Variants in ZNF704 observed in about 807,000 individuals in gnomAD.
ZNF704 encodes the protein glucocorticoid induced gene 1.
ZNF704 carries 10 observed loss-of-function variants against 44.7 expected under a neutral mutation model. The ratio of observed to expected loss-of-function variants is 0.22; its 90% CI spans 0.14 to 0.38. ZNF704 has a LOEUF of 0.38. ZNF704 is among the 10% of genes least tolerant of loss of function. The probability of loss-of-function intolerance (pLI) is 1.00; values close to 1 mark genes in which losing one functional copy is unlikely to be tolerated. For missense variants in ZNF704, 390 were observed against 545.5 expected, an observed-to-expected ratio of 0.71 and a Z score of 2.84; for synonymous variants, 211 against 207.6, an observed-to-expected ratio of 1.02 and a Z score of -0.14.
intron 2 of ZNF704, among the ~76,000 whole-genome samples, chr8:80,733,568 A>G (rs1806617787): frequency 6.6e-6 from 1 of 152,208 alleles, no homozygotes; most frequent in Non-Finnish European, 1.5e-5. Flanking sequence ...GTAGCCAGCC[A>G]TGTCTCAATC....
At chr8:80,720,667 G>C (rs145714778) in intron 2 of ZNF704, among the ~76,000 whole-genome samples, 1 of 152,206 alleles carries the variant, frequency 6.6e-6, no homozygotes, top group Non-Finnish European at 1.5e-5. Context: ...GAAACCAACA[G>C]AAATCTCCTC....
At chr8:80,696,078 G>A (rs1228733978) in intron 2 of ZNF704, among the ~76,000 whole-genome samples, 1 of 152,116 alleles carries the variant, frequency 6.6e-6, no homozygotes, top group Admixed American at 6.5e-5. Context: ...AACTGGTACT[G>A]TAAATTCAAA....
chr8:80,791,921 G>A (rs528643283), intron 2 of ZNF704, among the ~76,000 whole-genome samples: 1 of 152,218 alleles, frequency 6.6e-6, no homozygotes, highest in Non-Finnish European at 1.5e-5. Context: ...GGCTGGACTT[G>A]AGTCTTGGGA....
intron 1 of ZNF704, among the ~76,000 whole-genome samples, chr8:80,853,956 C>CA (rs965351604): frequency 1.3e-5 from 2 of 152,064 alleles, no homozygotes; most frequent in African/African-American, 4.8e-5. Context: ...GATATCAACA[C>CA]AAAAATCTAC....
intron 2 of ZNF704, among the ~76,000 whole-genome samples, chr8:80,800,584 T>C (rs914213284): frequency 2.6e-5 from 4 of 151,902 alleles, no homozygotes; most frequent in Non-Finnish European, 5.9e-5. Flanking sequence ...AAAGGAGAAA[T>C]AAGATCCTTT....
In ZNF704 at chr8:80,631,042, T is replaced by A. The variant is rs935857165; in HGVS notation, c.*10324A>T. The A allele has an allele frequency of 2.6e-5, 4 of 152,106 alleles. No homozygotes were observed. Among genetic ancestry groups the A allele is most frequent in the African/African-American group, 9.7e-5 (4 of 41,412 alleles). 9.4% of individuals were successfully genotyped at this position (152,106 alleles called of 1,614,324 possible). A position where few individuals can be genotyped will look rare whatever the true frequency, so the allele number is the denominator to read the frequency against. ...AGCTTTCTACCAATGACCAAGGAGGTTCCCCGAACAGTCAGGAGACTGTGA... is the reference window on the plus strand; with the variant it reads ...AGCTTTCTACCAATGACCAAGGAGGATCCCCGAACAGTCAGGAGACTGTGA... On this transcript the variant is annotated 3_prime_UTR_variant, in exon 9 of 9. Coordinates refer to ENST00000327835, the MANE Select transcript of ZNF704 (RefSeq NM_001033723.3).
chr8:80,743,793 G>A (rs1203827087), intron 2 of ZNF704, among the ~76,000 whole-genome samples: 1 of 152,210 alleles, frequency 6.6e-6, no homozygotes, highest in African/African-American at 2.4e-5. Flanking sequence ...TAGAGATAGA[G>A]ATGTCTAACT....
intron 2 of ZNF704, among the ~76,000 whole-genome samples, chr8:80,731,876 G>A (rs1239451555): frequency 6.6e-6 from 1 of 152,156 alleles, no homozygotes. Flanking sequence ...TGATCCAAAG[G>A]TTAGTTACCA....
At chr8:80,709,286 T>C (rs957785665) in intron 2 of ZNF704, among the ~76,000 whole-genome samples, 13 of 151,014 alleles carry the variant, frequency 8.6e-5, no homozygotes, top group Admixed American at 7.9e-4. Flanking sequence ...CTATTAAAAA[T>C]ACAAAAAATT....
intron 2 of ZNF704, among the ~76,000 whole-genome samples, chr8:80,733,163 G>T (rs1001967830): frequency 6.6e-6 from 1 of 152,022 alleles, no homozygotes; most frequent in Non-Finnish European, 1.5e-5. Context: ...GTTTATTTTG[G>T]TAGTTTCAAG....
chr8:80,823,787 G>A (rs1241968473), intron 1 of ZNF704, among the ~76,000 whole-genome samples: 3 of 152,200 alleles, frequency 2.0e-5, no homozygotes, highest in Non-Finnish European at 1.5e-5. Flanking sequence ...TGCAGCCTCC[G>A]CTGGTGATAC....
At chr8:80,813,507 A>AAC (rs977641653) in intron 2 of ZNF704, among the ~76,000 whole-genome samples, 2 of 152,184 alleles carry the variant, frequency 1.3e-5, no homozygotes, top group African/African-American at 4.8e-5. Context: ...TTCTCTTTAA[A>AAC]ACACACACAT....
At chr8:80,701,602 T>A (rs1325497015) in intron 2 of ZNF704, among the ~76,000 whole-genome samples, 1 of 151,170 alleles carries the variant, frequency 6.6e-6, no homozygotes, top group African/African-American at 2.5e-5. Flanking sequence ...TCTCCCCACT[T>A]ACATGCAAGG....
chr8:80,796,094 A>C (rs1197048261), intron 2 of ZNF704, among the ~76,000 whole-genome samples: 1 of 152,196 alleles, frequency 6.6e-6, no homozygotes. Context: ...CTTAGTCCAT[A>C]TTCTGTTGCT....
intron 5 of ZNF704, among the ~76,000 whole-genome samples, chr8:80,668,217 G>A (rs1818225268): frequency 6.6e-6 from 1 of 152,230 alleles, no homozygotes; most frequent in African/African-American, 2.4e-5. Flanking sequence ...GCTGGGCAGA[G>A]GCCACGGGTG....
intron 3 of ZNF704, among the ~76,000 whole-genome samples, chr8:80,689,535 A>AAG (rs1199363661): frequency 2.0e-5 from 3 of 152,238 alleles, no homozygotes; most frequent in Non-Finnish European, 2.9e-5. Flanking sequence ...GGAGTTCAAG[A>AAG]AGAGCATAAT....
At chr8:80,711,729 G>C (rs1288297175) in intron 2 of ZNF704, among the ~76,000 whole-genome samples, 1 of 152,164 alleles carries the variant, frequency 6.6e-6, no homozygotes, top group Non-Finnish European at 1.5e-5. Context: ...AAAGGGTGGG[G>C]CCACAAAACA....
intron 2 of ZNF704, among the ~76,000 whole-genome samples, chr8:80,780,159 G>C (rs1807493296): frequency 6.6e-6 from 1 of 152,116 alleles, no homozygotes; most frequent in Non-Finnish European, 1.5e-5. Context: ...GAGGGCAACG[G>C]CAAGTGGCAC....
At chr8:80,855,066 C>T (rs533251662) in intron 1 of ZNF704, among the ~76,000 whole-genome samples, 1 of 152,244 alleles carries the variant, frequency 6.6e-6, no homozygotes, top group East Asian at 1.9e-4. Context: ...ATTAAGTTAT[C>T]ATGTTTGACT....
Sources: allele counts gnomAD v4.1 joint callset (sites outside exome capture counted in the v4.1 genomes callset), GRCh38; gene constraint gnomAD v4.1.1; transcripts MANE v1.5; gene names NCBI Gene and HGNC (gene_info 2026-07-23, HGNC 2026-07-21).